The following PTPRD variants were observed in gnomAD, a reference collection of about 807,000 sequenced individuals.
The protein encoded by PTPRD is receptor-type tyrosine-protein phosphatase delta.
Under a neutral mutation model 214.5 loss-of-function variants are expected in PTPRD, and 34 were observed. That is an observed-to-expected ratio of 0.16 (90% CI 0.12 to 0.21). PTPRD has a LOEUF of 0.21. PTPRD is among the 10% of genes least tolerant of loss of function. PTPRD has a pLI of 1.00. For missense variants in PTPRD, 2,545 were observed against 2,398.7 expected (o/e 1.06, Z -1.27); for synonymous variants, 1,128 against 845.7 (o/e 1.33, Z -5.79).
intron 4 of PTPRD, among the ~76,000 whole-genome samples, chr9:9,970,929 A>C (rs761536828): frequency 5.3e-5 from 8 of 152,178 alleles, no homozygotes; most frequent in Non-Finnish European, 1.0e-4. Flanking sequence ...TATTGTTCTA[A>C]ATTTTAAATT....
At chr9:10,058,972 G>A (rs529980531) in intron 3 of PTPRD, among the ~76,000 whole-genome samples, 1 of 152,092 alleles carries the variant, frequency 6.6e-6, no homozygotes, top group East Asian at 1.9e-4. Flanking sequence ...CAGTATTGGA[G>A]CTTTTTTAAA....
chr9:9,113,138 A>AT (rs1554805499), intron 10 of PTPRD, among the ~76,000 whole-genome samples: 2 of 150,618 alleles, frequency 1.3e-5, no homozygotes, highest in East Asian at 4.0e-4. Flanking sequence ...CTAATTAAAA[A>AT]ATATATATAT....
intron 5 of PTPRD, among the ~76,000 whole-genome samples, chr9:9,837,860 T>G (rs2057235573): frequency 6.6e-6 from 1 of 152,222 alleles, no homozygotes; most frequent in Non-Finnish European, 1.5e-5. Context: ...GTTGGTGCGC[T>G]GCACCCATTA....
chr9:9,458,818 C>T lies in PTPRD; in HGVS notation c.-236-61336G>A, dbSNP rs149125429. 5.0e-3 allele frequency among the ~76,000 whole-genome samples: 766 copies of T among 152,062 alleles called. 8 individuals are homozygous for T. Among genetic ancestry groups the T allele is most frequent in the African/African-American group, 0.018 (731 of 41,498 alleles). On this transcript the variant is annotated intron_variant, in intron 8 of 45. Transcript: ENST00000381196. ...AGCTGAGTGTGGTGGTGTATGCCTG[C>T]AGTCCCAGCTACTTGGGAGGTTGAA...
At chr9:8,876,354 A>T (rs186283980) in intron 11 of PTPRD, among the ~76,000 whole-genome samples, 1 of 152,288 alleles carries the variant, frequency 6.6e-6, no homozygotes. Context: ...GCTGATGAAA[A>T]GCCTATAATA....
chr9:9,336,058 A>G (rs958902033), intron 9 of PTPRD, among the ~76,000 whole-genome samples: 1 of 152,162 alleles, frequency 6.6e-6, no homozygotes. Context: ...AATATTACAT[A>G]TATTTCCATC....
At chr9:8,703,591 T>C (rs2098136445) in intron 12 of PTPRD, among the ~76,000 whole-genome samples, 2 of 152,210 alleles carry the variant, frequency 1.3e-5, no homozygotes, top group African/African-American at 4.8e-5. Context: ...TTGTTTTTCT[T>C]TCTCTTTTCT....
At chr9:9,742,259 G>C (rs939590060) in intron 6 of PTPRD, among the ~76,000 whole-genome samples, 4 of 152,102 alleles carry the variant, frequency 2.6e-5, no homozygotes, top group African/African-American at 9.7e-5. Flanking sequence ...ACTTAAGGAA[G>C]AGACGTGCAA....
intron 9 of PTPRD, among the ~76,000 whole-genome samples, chr9:9,202,322 A>G (rs2099942350): frequency 6.6e-6 from 1 of 152,174 alleles, no homozygotes; most frequent in Non-Finnish European, 1.5e-5. Flanking sequence ...TTAAAAATTT[A>G]CTGAATACTT....
At chr9:9,256,438 T>C (rs1267399545) in intron 9 of PTPRD, among the ~76,000 whole-genome samples, 1 of 151,944 alleles carries the variant, frequency 6.6e-6, no homozygotes, top group Non-Finnish European at 1.5e-5. Context: ...TTTGTACTAT[T>C]TTTCCCTTCC....
intron 14 of PTPRD, among the ~76,000 whole-genome samples, chr9:8,542,007 T>C (rs111536210): frequency 0.016 from 2,395 of 152,180 alleles, 64 homozygotes; most frequent in African/African-American, 0.05. Flanking sequence ...CCCTTATCTT[T>C]TGCAACTAGA....
chr9:9,781,307 G>A (rs2098840975), intron 5 of PTPRD, among the ~76,000 whole-genome samples: 1 of 151,950 alleles, frequency 6.6e-6, no homozygotes, highest in Non-Finnish European at 1.5e-5. Context: ...TCAATATTTT[G>A]TACATCTAAC....
chr9:9,020,143 A>T (rs1290530194), intron 10 of PTPRD, among the ~76,000 whole-genome samples: 1 of 152,222 alleles, frequency 6.6e-6, no homozygotes, highest in Non-Finnish European at 1.5e-5. Context: ...TTTTAAAGGC[A>T]TATACATGTG....
At chr9:8,497,676 T>C (rs552403011) in intron 25 of PTPRD, among the ~76,000 whole-genome samples, 42 of 152,232 alleles carry the variant, frequency 2.8e-4, no homozygotes, top group African/African-American at 9.9e-4. Context: ...CTGTGAGATG[T>C]AATGAAATTT....
chr9:10,139,141 C>T (rs1196044157), intron 3 of PTPRD, among the ~76,000 whole-genome samples: 7 of 151,856 alleles, frequency 4.6e-5, no homozygotes, highest in Non-Finnish European at 2.9e-5. Flanking sequence ...ACCTGGAAAA[C>T]CAGGAAGATT....
chr9:9,401,146 A>T (rs532939598), intron 8 of PTPRD, among the ~76,000 whole-genome samples: 19 of 152,210 alleles, frequency 1.2e-4, no homozygotes, highest in Non-Finnish European at 2.4e-4. Flanking sequence ...AAATAATTAT[A>T]AAAATAAATG....
chr9:10,552,562 C>T (rs2061572886), intron 2 of PTPRD, among the ~76,000 whole-genome samples: 3 of 152,066 alleles, frequency 2.0e-5, no homozygotes, highest in Admixed American at 1.3e-4. Context: ...TCTTAGAATC[C>T]CATAATGCAT....
In PTPRD at chr9:8,485,239, G is replaced by A. The variant is rs1476130906; in HGVS notation, c.3141C>T (p.Ala1047=). The A allele has an allele frequency of 6.2e-6, 10 of 1,613,544 alleles. No homozygotes were observed. Among genetic ancestry groups the A allele is most frequent in the South Asian group, 1.1e-5 (1 of 91,048 alleles). ...SWEIPENYNS[A]MPFKILYDDG... is the part of the protein sequence containing the mutation. Reference sequence around the variant, plus strand: ...GAAAACAACTTACTTTGAAAGGCATGGCGGAGTTATAATTCTCTGGAATCT... The same window carrying A: ...GAAAACAACTTACTTTGAAAGGCATAGCGGAGTTATAATTCTCTGGAATCT... The change falls in exon 29 of 46, where the codon GCC becomes GCT. Residue 1047 remains alanine, a synonymous_variant. Coordinates refer to ENST00000381196, the MANE Select transcript of PTPRD (RefSeq NM_002839.4).
intron 7 of PTPRD, among the ~76,000 whole-genome samples, chr9:9,622,783 G>T (rs975111514): frequency 1.3e-5 from 2 of 152,326 alleles, no homozygotes; most frequent in East Asian, 1.9e-4. Context: ...TTGGTAAAGG[G>T]ATAAACACTG....
Sources: allele counts gnomAD v4.1 joint callset (sites outside exome capture counted in the v4.1 genomes callset), GRCh38; gene constraint gnomAD v4.1.1; transcripts MANE v1.5; gene names NCBI Gene and HGNC (gene_info 2026-07-23, HGNC 2026-07-21).